ARHGAP10: variants seen among roughly 807,000 people sequenced by gnomAD.
ARHGAP10 encodes Rho GTPase activating protein 10.
Under a neutral mutation model 108.6 loss-of-function variants are expected in ARHGAP10, and 87 were observed. The observed-to-expected ratio is 0.80, with a 90% CI of 0.67 to 0.96. The LOEUF is 0.96. Among genes scored for constraint, ARHGAP10 ranks in the 40% least tolerant of loss-of-function variants. The pLI is 0.00. For synonymous variants in ARHGAP10, 347 were observed against 341.1 expected (o/e 1.02, Z -0.19); for missense variants, 939 against 954.5 (o/e 0.98, Z 0.21).
chr4:147,735,216 C>T (rs1728369583), intron 1 of ARHGAP10, among the ~76,000 whole-genome samples: 1 of 152,196 alleles, frequency 6.6e-6, no homozygotes, highest in Non-Finnish European at 1.5e-5. Flanking sequence ...CTTGAGTTTA[C>T]TGTCCTGTAG....
intron 1 of ARHGAP10, among the ~76,000 whole-genome samples, chr4:147,811,477 C>A (rs1047357076): frequency 1.3e-5 from 2 of 152,258 alleles, no homozygotes; most frequent in African/African-American, 4.8e-5. Flanking sequence ...TATCCTGCAG[C>A]CCTGACTGTC....
intron 1 of ARHGAP10, among the ~76,000 whole-genome samples, chr4:147,751,170 C>T (rs1033226771): frequency 4.6e-5 from 7 of 151,396 alleles, no homozygotes; most frequent in Admixed American, 1.3e-4. Flanking sequence ...CCGAGTGAGA[C>T]GCCACCTCAA....
chr4:147,842,889 C>G (rs917232874), intron 3 of ARHGAP10, among the ~76,000 whole-genome samples: 2 of 152,224 alleles, frequency 1.3e-5, no homozygotes, highest in African/African-American at 4.8e-5. Context: ...ATGATAACTT[C>G]ATAAACTCCT....
chr4:147,909,118 G>A (rs1736629097), intron 11 of ARHGAP10, among the ~76,000 whole-genome samples: 1 of 152,170 alleles, frequency 6.6e-6, no homozygotes, highest in African/African-American at 2.4e-5. Context: ...CCCCTCATCA[G>A]TTTAATAATT....
chr4:148,022,242 G>A (rs1298479732), intron 18 of ARHGAP10, among the ~76,000 whole-genome samples: 2 of 152,168 alleles, frequency 1.3e-5, no homozygotes, highest in Non-Finnish European at 2.9e-5. Context: ...ATGTGCCATG[G>A]TGGTTTGCTG....
At chr4:147,752,228 A>G (rs1729183117) in intron 1 of ARHGAP10, among the ~76,000 whole-genome samples, 1 of 152,178 alleles carries the variant, frequency 6.6e-6, no homozygotes, top group African/African-American at 2.4e-5. Flanking sequence ...TCATTGATAC[A>G]GTATTTCACA....
At chr4:147,815,637 A>C (rs1732210722) in intron 1 of ARHGAP10, among the ~76,000 whole-genome samples, 1 of 152,146 alleles carries the variant, frequency 6.6e-6, no homozygotes, top group African/African-American at 2.4e-5. Context: ...CAGGGGGATC[A>C]CTTGACCCTA....
At chr4:148,006,225 G>C (rs545615863) in intron 18 of ARHGAP10, among the ~76,000 whole-genome samples, 1 of 152,178 alleles carries the variant, frequency 6.6e-6, no homozygotes, top group Non-Finnish European at 1.5e-5. Flanking sequence ...GTGTAGAGAG[G>C]CTACAGAGAC....
At chr4:147,948,320 G>A (rs1281663908) in intron 15 of ARHGAP10, among the ~76,000 whole-genome samples, 1 of 151,990 alleles carries the variant, frequency 6.6e-6, no homozygotes. Flanking sequence ...TAAAAAGTCA[G>A]TCAAAATATA....
intron 10 of ARHGAP10, among the ~76,000 whole-genome samples, chr4:147,892,982 G>C (rs1440231287): frequency 6.6e-6 from 1 of 152,174 alleles, no homozygotes; most frequent in Non-Finnish European, 1.5e-5. Context: ...TGTCAGGAGT[G>C]CCACTGTTGA....
At chr4:148,067,526 C>T (rs192763421) in intron 22 of ARHGAP10, among the ~76,000 whole-genome samples, 11 of 152,334 alleles carry the variant, frequency 7.2e-5, no homozygotes, top group Admixed American at 2.0e-4. Flanking sequence ...GGAGTACTGC[C>T]GGGAATGCTC....
At chr4:147,991,736 A>G (rs1233853522) in intron 18 of ARHGAP10, among the ~76,000 whole-genome samples, 1 of 152,232 alleles carries the variant, frequency 6.6e-6, no homozygotes, top group African/African-American at 2.4e-5. Context: ...CCAGATGCCA[A>G]AACAGGTCCA....
intron 1 of ARHGAP10, among the ~76,000 whole-genome samples, chr4:147,787,835 C>T (rs1207449245): frequency 6.6e-6 from 1 of 152,070 alleles, no homozygotes; most frequent in African/African-American, 2.4e-5. Flanking sequence ...GGGGGGAAGA[C>T]AGCAGCAGCG....
chr4:147,788,526 C>T (rs540195682), intron 1 of ARHGAP10, among the ~76,000 whole-genome samples: 259 of 152,228 alleles, frequency 1.7e-3, no homozygotes, highest in Non-Finnish European at 3.1e-3. Flanking sequence ...TTTGTCCAGT[C>T]CTTGGTGAGA....
At chr4:147,908,417 G>T (rs191828281) in intron 11 of ARHGAP10, among the ~76,000 whole-genome samples, 7 of 152,322 alleles carry the variant, frequency 4.6e-5, no homozygotes, top group South Asian at 2.1e-4. Flanking sequence ...GGCAATGTCA[G>T]TGTAACCTTC....
intron 1 of ARHGAP10, among the ~76,000 whole-genome samples, chr4:147,816,724 G>A (rs1435438928): frequency 6.6e-6 from 1 of 152,190 alleles, no homozygotes; most frequent in Admixed American, 6.5e-5. Context: ...GTACAGAGAA[G>A]CCATAATGCC....
intron 5 of ARHGAP10, chr4:147,858,272 A>G (rs1734173906): frequency 2.0e-5 from 3 of 152,196 alleles, no homozygotes. Flanking sequence ...TTACAATTCA[A>G]AACAAAATGC....
chr4:147,845,806 A>G (rs1052620757), intron 3 of ARHGAP10, among the ~76,000 whole-genome samples: 2 of 152,144 alleles, frequency 1.3e-5, no homozygotes, highest in Admixed American at 6.5e-5. Context: ...AAATTCATGC[A>G]CTGTGAAAAC....
intron 12 of ARHGAP10, among the ~76,000 whole-genome samples, chr4:147,912,578 T>G (rs6857825): frequency 0.75 from 92,208 of 122,754 alleles, 36,030 homozygotes; most frequent in Middle Eastern, 0.86. Flanking sequence ...TATATATATA[T>G]ATATATATAT....
Sources: gnomAD v4.1 joint callset for allele counts (sites outside exome capture counted in the v4.1 genomes callset) on GRCh38, gnomAD v4.1.1 for gene constraint, MANE v1.5 for transcripts, NCBI Gene and HGNC (gene_info 2026-07-23, HGNC 2026-07-21) for gene names.